Variants in COMMD7 observed in about 807,000 individuals in gnomAD.
COMMD7 encodes the protein COMM domain-containing protein 7.
A neutral mutation model predicts 34.8 loss-of-function variants in COMMD7; 28 were observed. That is an observed-to-expected ratio of 0.80 (90% CI 0.60 to 1.10). The LOEUF is 1.10. COMMD7 is among the 50% of genes least tolerant of loss of function. The pLI is 0.00. For synonymous variants in COMMD7, 80 were observed against 86.4 expected, an observed-to-expected ratio of 0.93 and a Z score of 0.41; for missense variants, 211 against 241.6, an observed-to-expected ratio of 0.87 and a Z score of 0.84.
At chr20:32,726,436 T>C (rs538491175) in intron 3 of COMMD7, among the ~76,000 whole-genome samples, 1 of 152,070 alleles carries the variant, frequency 6.6e-6, no homozygotes, top group Non-Finnish European at 1.5e-5. Context: ...GCACAGGGAC[T>C]CACTCCTGTA....
At chr20:32,729,012 A>G (rs1568790155) in intron 1 of COMMD7, among the ~76,000 whole-genome samples, 1 of 152,150 alleles carries the variant, frequency 6.6e-6, no homozygotes, top group Non-Finnish European at 1.5e-5. Context: ...ATGTGTTGTT[A>G]GGAACTGAAT....
chr20:32,731,471 G>A (rs1178071423), intron 1 of COMMD7, among the ~76,000 whole-genome samples: 2 of 152,138 alleles, frequency 1.3e-5, no homozygotes, highest in Non-Finnish European at 2.9e-5. Context: ...AATCCAGCCT[G>A]AGCGACAGTG....
At chr20:32,717,615 C>A (rs1245035814) in intron 3 of COMMD7, among the ~76,000 whole-genome samples, 1 of 151,962 alleles carries the variant, frequency 6.6e-6, no homozygotes, top group Non-Finnish European at 1.5e-5. Context: ...CGTGAGCCAC[C>A]ATACCTGGCC....
chr20:32,727,882 A>AG lies in COMMD7; in HGVS notation c.241+10dup. 1 of 1,585,446 alleles carries AG rather than the reference A, an allele frequency of 6.3e-7. No individual in the cohort carries two copies. The highest frequency in any genetic ancestry group is 8.7e-7 in the Non-Finnish European group (1 of 1,154,024). ...TGTCTCTGGCCACAGCTGCTAAGAG[A>AG]GGTTACTCACCATTTGGAACCAGAA... On this transcript the variant is annotated intron_variant, in intron 3 of 8. Coordinates refer to ENST00000278980, the MANE Select transcript of COMMD7 (RefSeq NM_053041.3).
At chr20:32,730,040 T>C (rs1272670584) in intron 1 of COMMD7, among the ~76,000 whole-genome samples, 1 of 152,068 alleles carries the variant, frequency 6.6e-6, no homozygotes, top group African/African-American at 2.4e-5. Context: ...AAATGTCTGC[T>C]GTTGGAGCCA....
chr20:32,739,239 G>T (rs1293052340), intron 1 of COMMD7, among the ~76,000 whole-genome samples: 1 of 152,118 alleles, frequency 6.6e-6, no homozygotes, highest in Non-Finnish European at 1.5e-5. Context: ...GGCCAAGATG[G>T]ATCACCAGAG....
chr20:32,717,843 G>A (rs1419640602), intron 3 of COMMD7, among the ~76,000 whole-genome samples: 2 of 151,944 alleles, frequency 1.3e-5, no homozygotes, highest in African/African-American at 4.8e-5. Flanking sequence ...GCCAGGTACA[G>A]TGGCTCATGC....
At chr20:32,708,768 C>G (rs1438560609) in intron 3 of COMMD7, among the ~76,000 whole-genome samples, 4 of 150,106 alleles carry the variant, frequency 2.7e-5, no homozygotes, top group African/African-American at 4.9e-5. Flanking sequence ...GTGGGTGGGG[C>G]TCAAGCAATC....
intron 3 of COMMD7, among the ~76,000 whole-genome samples, chr20:32,725,250 C>CT (rs1441543923): frequency 2.0e-5 from 3 of 151,888 alleles, no homozygotes; most frequent in African/African-American, 7.2e-5. Context: ...TTCCAGGACA[C>CT]TTTTTATGGT....
chr20:32,739,777 G>A (rs1482906875), intron 1 of COMMD7, among the ~76,000 whole-genome samples: 1 of 141,852 alleles, frequency 7.0e-6, no homozygotes, highest in South Asian at 2.5e-4. Flanking sequence ...CAGCACTTTG[G>A]GGGGCCAAGG....
chr20:32,704,738 A>C, intron 6 of COMMD7, 76 bp downstream of exon 6: 1 of 1,077,500 alleles, frequency 9.3e-7, no homozygotes. Flanking sequence ...TGCCTTCCCC[A>C]TAGTGGCTGT....
At chr20:32,707,294 AAT>A in intron 3 of COMMD7, among the ~76,000 whole-genome samples, 1 of 129,208 alleles carries the variant, frequency 7.7e-6, no homozygotes, top group African/African-American at 2.8e-5. Flanking sequence ...AAAAAAAAAA[AAT>A]ATATATATAT....
chr20:32,731,317 C>CA (rs1165006166), intron 1 of COMMD7, among the ~76,000 whole-genome samples: 1 of 151,706 alleles, frequency 6.6e-6, no homozygotes, highest in Non-Finnish European at 1.5e-5. Flanking sequence ...GATCCTAGCT[C>CA]AAAAAATAAA....
At chr20:32,714,950 C>T (rs28840985) in intron 3 of COMMD7, among the ~76,000 whole-genome samples, 22 of 150,206 alleles carry the variant, frequency 1.5e-4, no homozygotes, top group African/African-American at 4.9e-4. Flanking sequence ...GCAGTGGTTG[C>T]AGTGAGCCGA....
chr20:32,740,067 C>G lies in COMMD7; in HGVS notation c.84+3241G>C, dbSNP rs566855015. ...ATGCGGTGGCTCACACCTGTAATCC[C>G]AAAACTTTGGGAGGCCGAGGTGGGC... On this transcript the variant is annotated intron_variant, in intron 1 of 8. Coordinates refer to ENST00000278980, the MANE Select transcript of COMMD7 (RefSeq NM_053041.3). 3.5e-5 allele frequency among the ~76,000 whole-genome samples: 5 copies of G among 141,064 alleles called. 2 individuals carry two copies. The East Asian group carries it at 1.2e-3, about 35-fold the overall frequency. The allele number at this position is 141,064 out of a possible 152,430, so 92.5% of individuals were successfully genotyped here. A position where few individuals can be genotyped will look rare whatever the true frequency, so the allele number is the denominator to read the frequency against.
At chr20:32,706,076 T>A (rs1984059027) in intron 5 of COMMD7, among the ~76,000 whole-genome samples, 1 of 151,326 alleles carries the variant, frequency 6.6e-6, no homozygotes, top group South Asian at 2.1e-4. Flanking sequence ...CACATGCCTG[T>A]AATCCCAGCT....
chr20:32,704,065 ACTTTAG>A lies in COMMD7; in HGVS notation c.478_483del (p.Lys161_Leu162del). 2 of 1,593,258 alleles carry A rather than the reference ACTTTAG, an allele frequency of 1.3e-6. No homozygotes were observed. The highest frequency in any genetic ancestry group is 1.7e-6 in the Non-Finnish European group (2 of 1,169,112). ...GTTTGATTTCCTTTCTTAACCACCAACTTTAGCTGATGAAAGAAAAAGAAATAATTT... is the reference window on the plus strand; with the variant it reads ...GTTTGATTTCCTTTCTTAACCACCAACTGATGAAAGAAAAAGAAATAATTT... On this transcript the variant is annotated inframe_deletion and splice_region_variant, in exon 8 of 9. Transcript: ENST00000278980.
chr20:32,716,873 T>C (rs1056775363), intron 3 of COMMD7, among the ~76,000 whole-genome samples: 7 of 148,114 alleles, frequency 4.7e-5, no homozygotes, highest in Non-Finnish European at 9.0e-5. Flanking sequence ...TTTTTTTTTT[T>C]CATAATATGG....
Position 32,742,032 on chromosome 20 carries a change from AC to A in COMMD7, c.84+1275del, listed in dbSNP as rs1457620652. On this transcript the variant is annotated intron_variant, in intron 1 of 8. Transcript: ENST00000278980. Reference sequence around the variant, plus strand: ...GTCAAACCCCATCTCTACTAAAAATACAAAAATTAGCTGGGCATGGTGGCGT... The same window carrying A: ...GTCAAACCCCATCTCTACTAAAAATAAAAAATTAGCTGGGCATGGTGGCGT... 3.9e-5 allele frequency among the ~76,000 whole-genome samples: 6 copies of A among 152,196 alleles called. No homozygotes were observed. The East Asian group carries it at 1.2e-3, about 30-fold the overall frequency.
Sources: allele counts gnomAD v4.1 joint callset (sites outside exome capture counted in the v4.1 genomes callset), GRCh38; gene constraint gnomAD v4.1.1; transcripts MANE v1.5; gene names NCBI Gene and HGNC (gene_info 2026-07-23, HGNC 2026-07-21).